PCDHA6: variants seen among roughly 807,000 people sequenced by gnomAD.
PCDHA6 encodes protocadherin alpha 6.
PCDHA6 carries 55 observed loss-of-function variants against 60.3 expected under a neutral mutation model. The ratio of observed to expected loss-of-function variants is 0.91; its 90% confidence interval spans 0.73 to 1.14. The LOEUF is 1.14. PCDHA6 is among the 50% of genes most tolerant of loss of function. PCDHA6 has a pLI of 0.00. For missense variants in PCDHA6, 1,327 were observed against 1,256.5 expected (o/e 1.06, Z -0.85); for synonymous variants, 652 against 557.9 (o/e 1.17, Z -2.38).
At chr5:140,857,037 T>C in intron 1 of PCDHA6, 1 of 1,596,258 alleles carries the variant, frequency 6.3e-7, no homozygotes, top group Non-Finnish European at 8.6e-7. Context: ...CCACCTATGG[T>C]TGGTCACTGC....
In PCDHA6 at chr5:140,835,672, G is replaced by A. The variant is rs2150241563; in HGVS notation, c.2394+5187G>A. On this transcript the variant is annotated intron_variant, in intron 1 of 3. Coordinates refer to ENST00000529310, the MANE Select transcript of PCDHA6 (RefSeq NM_018909.4). The stretch of plus-strand genomic sequence containing the variant: ...GAGCTGGTGGTTACCGCGCGGGACG[G>A]GGGCTCGCCTTCTCTGTGGGCCACT... 1.9e-6 allele frequency: 3 copies of A among 1,613,926 alleles called. No individual in the cohort carries two copies. The South Asian group carries it at 3.3e-5, about 18-fold the overall frequency.
intron 1 of PCDHA6, among the ~76,000 whole-genome samples, chr5:140,942,008 T>C (rs155814): frequency 0.3 from 44,965 of 152,110 alleles, 7,230 homozygotes; most frequent in East Asian, 0.53. Flanking sequence ...CTCTTATTAT[T>C]AATTTTGGGA....
chr5:140,938,148 A>G (rs563866654), intron 1 of PCDHA6, among the ~76,000 whole-genome samples: 1 of 152,284 alleles, frequency 6.6e-6, no homozygotes, highest in African/African-American at 2.4e-5. Context: ...GTCTCACTAC[A>G]TTGCCCAGGC....
chr5:140,917,378 A>G (rs532934226), intron 1 of PCDHA6, among the ~76,000 whole-genome samples: 4 of 150,894 alleles, frequency 2.7e-5, no homozygotes, highest in South Asian at 2.1e-4. Context: ...CTCCACCTCA[A>G]TAGTCTGATG....
At chr5:140,873,265 T>A (rs2054186823) in intron 1 of PCDHA6, among the ~76,000 whole-genome samples, 1 of 152,228 alleles carries the variant, frequency 6.6e-6, no homozygotes, top group South Asian at 2.1e-4. Context: ...CAAAAGTGAT[T>A]AAACCATCAT....
At chr5:140,969,363 C>G (rs367871893) in intron 1 of PCDHA6, 4 of 1,610,614 alleles carry the variant, frequency 2.5e-6, no homozygotes, top group East Asian at 4.5e-5. Flanking sequence ...CTTCTACAAA[C>G]TCATGCATTT....
Position 140,912,620 on chromosome 5 carries a change from G to A in PCDHA6, c.2395-66329G>A, listed in dbSNP as rs149952916. Among the ~76,000 whole-genome samples the A allele has an allele frequency of 2.6e-3, 391 of 152,154 alleles. 2 individuals carry two copies. The highest frequency in any genetic ancestry group is 9.2e-3 in the African/African-American group (380 of 41,510). ...TTTCTTCCTCTTGTCTGATTACTCT[G>A]GATGAGACTTTCAGTACTATGTTGA... On this transcript the variant is annotated intron_variant, in intron 1 of 3. Coordinates refer to ENST00000529310, the MANE Select transcript of PCDHA6 (RefSeq NM_018909.4).
chr5:140,942,701 G>T (rs2093357342), intron 1 of PCDHA6, among the ~76,000 whole-genome samples: 1 of 152,080 alleles, frequency 6.6e-6, no homozygotes, highest in Non-Finnish European at 1.5e-5. Flanking sequence ...TGAGAAATAT[G>T]AAGTAAAAGT....
chr5:140,859,686 T>C (rs2045967077), intron 1 of PCDHA6: 1 of 154,726 alleles, frequency 6.5e-6, no homozygotes, highest in African/African-American at 2.4e-5. Context: ...AAAATTAAAA[T>C]TATTGTTCAA....
chr5:140,968,709 T>C lies in PCDHA6; in HGVS notation c.2395-10240T>C, dbSNP rs2153773320. ...GGAGAAATTAGGACTACCAGGAAGA[T>C]GGGAGATGAGAGTGGTAGCACTTTC... On this transcript the variant is annotated intron_variant, in intron 1 of 3. Coordinates refer to ENST00000529310, the MANE Select transcript of PCDHA6 (RefSeq NM_018909.4). The C allele has an allele frequency of 1.9e-6, 3 of 1,614,030 alleles. No homozygotes were observed. In the East Asian group the frequency reaches 6.7e-5, roughly 36 times the overall value.
intron 1 of PCDHA6, among the ~76,000 whole-genome samples, chr5:140,955,510 T>G (rs1554221967): frequency 6.6e-6 from 1 of 152,154 alleles, no homozygotes; most frequent in Non-Finnish European, 1.5e-5. Context: ...AAAGACGTGT[T>G]TGCTTTCCCT....
At position 141,009,622 on chromosome 5, in the gene PCDHA6, T is replaced by C. The variant is rs782517998; in HGVS notation, c.2543-5T>C. On this transcript the variant is annotated splice_region_variant and splice_polypyrimidine_tract_variant and intron_variant, in intron 3 of 3. Coordinates refer to ENST00000529310, the MANE Select transcript of PCDHA6 (RefSeq NM_018909.4). ...GTTAATGATTTGTAATGTTTTGTCT[T>C]TCAGAACCAGAGGCAGGAGAAGTGT... is the stretch of plus-strand genomic sequence containing the variant. 6.2e-7 allele frequency: 1 copy of C among 1,612,598 alleles called. No homozygotes were observed.
intron 1 of PCDHA6, chr5:140,863,608 T>A (rs548888922): frequency 5.7e-6 from 2 of 349,702 alleles, no homozygotes; most frequent in Non-Finnish European, 1.1e-5. Flanking sequence ...CCTATTAATG[T>A]CCCTCATAGT....
In PCDHA6 at chr5:140,978,971, G is replaced by C. The variant is rs782774245; in HGVS notation, c.2417G>C (p.Trp806Ser). Residue 806 changes from tryptophan (W) to serine (S), a missense_variant, in exon 2 of 4, where the codon TGG (tryptophan) becomes TCG (serine). Trp to Ser is a radical substitution (Grantham distance 177). Transcript: ENST00000529310. ...CAGCCACGACAGCCCAACCCTGACT[G>C]GCGTTACTCTGCCTCCCTGAGAGCA... is the stretch of plus-strand genomic sequence containing the variant. ...DAKPRQPNPD[W>S]RYSASLRAGM... 6.2e-7 allele frequency: 1 copy of C among 1,614,170 alleles called. No homozygotes were observed. The highest frequency in any genetic ancestry group is 2.2e-5 in the East Asian group (1 of 44,882).
At chr5:140,878,837 A>G (rs6885420) in intron 1 of PCDHA6, among the ~76,000 whole-genome samples, 4 of 152,334 alleles carry the variant, frequency 2.6e-5, no homozygotes, top group Admixed American at 2.6e-4. Context: ...AGGCTGGACT[A>G]GAACTTCTGG....
chr5:140,848,359 G>C, intron 1 of PCDHA6: 1 of 1,059,608 alleles, frequency 9.4e-7, no homozygotes, highest in South Asian at 1.6e-5. Context: ...TTTTCCCATG[G>C]GAAAGAGGCT....
chr5:140,857,965 T>A (rs2045057486), intron 1 of PCDHA6: 1 of 1,597,084 alleles, frequency 6.3e-7, no homozygotes, highest in East Asian at 2.2e-5. Context: ...TGGATGAGAC[T>A]GACTCGCCAC....
intron 1 of PCDHA6, chr5:140,876,225 G>C: frequency 1.2e-6 from 2 of 1,613,982 alleles, no homozygotes; most frequent in Non-Finnish European, 1.7e-6. Context: ...AAGTAGTGTT[G>C]TCTGAAAATG....
intron 1 of PCDHA6, chr5:140,852,695 T>G: frequency 1.0e-6 from 1 of 976,386 alleles, no homozygotes; most frequent in Non-Finnish European, 1.2e-6. Context: ...GTCTTATACT[T>G]TCAAGTATCT....
Sources: gnomAD v4.1 joint callset for allele counts (sites outside exome capture counted in the v4.1 genomes callset) on GRCh38, gnomAD v4.1.1 for gene constraint, MANE v1.5 for transcripts, NCBI Gene and HGNC (gene_info 2026-07-23, HGNC 2026-07-21) for gene names.